The following CD74 variants were observed in gnomAD, a reference collection of about 807,000 sequenced individuals.
The protein encoded by CD74 is HLA class II histocompatibility antigen gamma chain.
Under a neutral mutation model 37.1 loss-of-function variants are expected in CD74, and 20 were observed. The ratio of observed to expected loss-of-function variants is 0.54; its 90% CI spans 0.38 to 0.78. The LOEUF (loss-of-function observed/expected upper bound fraction) is 0.78. Among genes scored for constraint, CD74 ranks in the 30% least tolerant of loss-of-function variants. The pLI is 0.00. For missense variants in CD74, 338 were observed against 389.5 expected, an observed-to-expected ratio of 0.87 and a Z score of 1.11; for synonymous variants, 150 against 152.0, an observed-to-expected ratio of 0.99 and a Z score of 0.10.
In CD74 at chr5:150,401,816, G is replaced by A. The variant is rs753273904; in HGVS notation, c.*424C>T. On this transcript the variant is annotated 3_prime_UTR_variant, in exon 9 of 9. Coordinates refer to ENST00000009530, the MANE Select transcript of CD74 (RefSeq NM_001025159.3). ...GAGTGGCTCAGCCTGCAGGTAAATA[G>A]GCTAGAAAAGCCAAGGCCAAAGGCT... The A allele has an allele frequency of 4.7e-6, 3 of 632,500 alleles. No homozygotes were observed. The highest frequency in any genetic ancestry group is 8.5e-6 in the Non-Finnish European group (3 of 351,646). The allele number at this position is 632,500 out of a possible 1,614,324, so 39.2% of individuals were successfully genotyped here.
Position 150,407,740 on chromosome 5 carries a change from TTTTTGTTTTG to T in CD74, c.126-426_126-417del, listed in dbSNP as rs200637098. On this transcript the variant is annotated intron_variant, in intron 1 of 8. Transcript: ENST00000009530. This position sits in a 1 kb window ranked among gnomAD's most constrained non-coding sequence, Gnocchi z 4.4. ...CTGCCCTCAAGGGGAACAGGTTTGGTTTTTGTTTTGTTTTGTTTTGTTTTGTTTTTTGAGA... is the reference window on the plus strand; with the variant it reads ...CTGCCCTCAAGGGGAACAGGTTTGGTTTTTGTTTTGTTTTGTTTTTTGAGA... 9.2e-5 allele frequency among the ~76,000 whole-genome samples: 14 copies of T among 151,388 alleles called. No homozygotes were observed. Among genetic ancestry groups the T allele is most frequent in the Admixed American group, 1.3e-4 (2 of 15,210 alleles).
At chr5:150,404,866 A>T in intron 5 of CD74, 99 bp from the exon 6 acceptor site, 1 of 908,474 alleles carries the variant, frequency 1.1e-6, no homozygotes, top group Non-Finnish European at 1.8e-6. Flanking sequence ...AGGGCCAAAT[A>T]GGGCCCCAAC....
Position 150,405,156 on chromosome 5 carries a change from G to T in CD74, c.466C>A (p.Pro156Thr), listed in dbSNP as rs773166293. The T allele has an allele frequency of 1.9e-6, 3 of 1,609,696 alleles. No individual in the cohort carries two copies. The highest frequency in any genetic ancestry group is 2.2e-5 in the South Asian group (2 of 90,534). ...TCCGGGAAGCTCCCCTTCAGTGGCG[G>T]GTACACCTTCAGGGGGTCAGCATTC... ...LQNADPLKVY[P>T]PLKGSFPENL... is the part of the protein sequence containing the mutation. Residue 156 changes from proline (P) to threonine (T), a missense_variant, in exon 5 of 9, where the codon CCG (proline) becomes ACG (threonine). Pro to Thr is a conservative substitution (Grantham distance 38, BLOSUM62 -1). Transcript: ENST00000009530.
intron 1 of CD74, among the ~76,000 whole-genome samples, chr5:150,410,347 T>A (rs1221620566): frequency 2.6e-5 from 4 of 152,182 alleles, no homozygotes; most frequent in Non-Finnish European, 5.9e-5. Flanking sequence ...TAACCTGGAT[T>A]GGAATCCTGG....
Position 150,412,709 on chromosome 5 carries a change from T to C in CD74, c.41A>G (p.Lys14Arg). Residue 14 changes from lysine to arginine, a missense_variant, in exon 1 of 9, where the codon AAG becomes AGG. Lys to Arg is a conservative substitution (Grantham distance 26). Coordinates refer to ENST00000009530, the MANE Select transcript of CD74 (RefSeq NM_001025159.3). ...GTCGCGCTGGTCATCCATGACTGGC[T>C]TCTGATCTTCCCGACAGCTCCTGCT... is the stretch of plus-strand genomic sequence containing the variant. Reference protein sequence around the residue: ...RRSRSCREDQKPVMDDQRDLI... With the variant: ...RRSRSCREDQRPVMDDQRDLI... The C allele has an allele frequency of 6.2e-7, 1 of 1,614,140 alleles. No homozygotes were observed. The highest frequency in any genetic ancestry group is 1.1e-5 in the South Asian group (1 of 91,080).
Position 150,403,440 on chromosome 5 carries a change from C to T in CD74, c.626-128G>A, listed in dbSNP as rs551029267. ...TTCTTCCCAAGTGGCTTTACTCACT[C>T]CAGCCATCACACGGATGGGAAAACT... On this transcript the variant is annotated intron_variant, in intron 6 of 8. Transcript: ENST00000009530. This position sits in a 1 kb window ranked among gnomAD's most constrained non-coding sequence, Gnocchi z 4.5. The T allele has an allele frequency of 7.1e-4, 561 of 795,166 alleles. 3 individuals carry two copies. In the African/African-American group the frequency reaches 8.5e-3, roughly 12 times the overall value. 49.3% of individuals were successfully genotyped at this position (795,166 alleles called of 1,614,324 possible). A position where few individuals can be genotyped will look rare whatever the true frequency, so the allele number is the denominator to read the frequency against.
intron 1 of CD74, among the ~76,000 whole-genome samples, chr5:150,409,284 T>C (rs1225363101): frequency 1.3e-5 from 2 of 151,056 alleles, no homozygotes; most frequent in East Asian, 3.9e-4. Flanking sequence ...CCCAGCACTT[T>C]AGGAAGCCAA....
At chr5:150,404,986 T>C in intron 5 of CD74, 99 bp downstream of exon 5, 1 of 1,186,642 alleles carries the variant, frequency 8.4e-7, no homozygotes, top group Non-Finnish European at 1.2e-6. Context: ...TTCAGCTTCC[T>C]GAGAATGGCT....
Position 150,402,338 on chromosome 5 carries a change from A to T in CD74, c.881-88T>A, listed in dbSNP as rs1241183075. On this transcript the variant is annotated intron_variant, in intron 8 of 8. Transcript: ENST00000009530. This position sits in a 1 kb window ranked among gnomAD's most constrained non-coding sequence, Gnocchi z 4.2. ...ACATCCTGGACCTGCAGAGCAGTTA[A>T]GGACTGTCCACCCTCCCCTGCCCCC... 15 of 1,056,416 alleles carry T rather than the reference A, an allele frequency of 1.4e-5. No individual in the cohort carries two copies. Among genetic ancestry groups the T allele is most frequent in the Non-Finnish European group, 2.2e-5 (15 of 693,320 alleles). 65.4% of individuals were successfully genotyped at this position (1,056,416 alleles called of 1,614,324 possible).
chr5:150,402,432 G>A lies in CD74; in HGVS notation c.880+131C>T, dbSNP rs79757528. ...CACAGCCCCCCAACCCTGTTCCTTC[G>A]TCTGTGAAATGGACATCCCAGGAAT... On this transcript the variant is annotated intron_variant, in intron 8 of 8. Coordinates refer to ENST00000009530, the MANE Select transcript of CD74 (RefSeq NM_001025159.3). The surrounding 1 kb of genome is among the most constrained non-coding windows in gnomAD (Gnocchi z 4.2). The A allele has an allele frequency of 2.6e-3, 2,496 of 945,698 alleles. 47 individuals are homozygous for A. In the African/African-American group the frequency reaches 0.035, roughly 13 times the overall value. The allele number at this position is 945,698 out of a possible 1,614,324, so 58.6% of individuals were successfully genotyped here.
In CD74 at chr5:150,403,178, A is replaced by G. The variant is rs1417948613; in HGVS notation, c.760T>C (p.Phe254Leu). 1.2e-6 allele frequency: 2 copies of G among 1,614,036 alleles called. No homozygotes were observed. Among genetic ancestry groups the G allele is most frequent in the South Asian group, 1.1e-5 (1 of 91,082 alleles). Residue 254 changes from phenylalanine to leucine, a missense_variant, in exon 7 of 9, where the codon TTC becomes CTC. Phe to Leu is a conservative substitution (Grantham distance 22, BLOSUM62 0). Transcript: ENST00000009530. The surrounding 1 kb of genome is among the most constrained non-coding windows in gnomAD (Gnocchi z 4.5). The stretch of plus-strand genomic sequence containing the variant: ...TTGGGGACCTCCGTGCCGTTGGGGA[A>G]GACACACCAGCAGTAGCCGATGCTC... Reference protein sequence around the residue: ...YGSIGYCWCVFPNGTEVPNTR... With the variant: ...YGSIGYCWCVLPNGTEVPNTR...
Position 150,403,232 on chromosome 5 carries a change from C to G in CD74, c.706G>C (p.Gly236Arg). ...GSFRPKCDEN[G>R]NYLPLQCYGS... ...TAGCACTGGAGTGGCAGATAGTTGC[C>G]GTTCTCGTCGCACTTGGGCCTGAAT... The change falls in exon 7 of 9, where the codon GGC (glycine) becomes CGC (arginine). Residue 236 changes from glycine to arginine, a missense_variant. Gly to Arg is a moderately radical substitution (Grantham distance 125). Transcript: ENST00000009530. This position sits in a 1 kb window ranked among gnomAD's most constrained non-coding sequence, Gnocchi z 4.5. 1.2e-6 allele frequency: 2 copies of G among 1,614,010 alleles called. No homozygotes were observed. The highest frequency in any genetic ancestry group is 1.7e-6 in the Non-Finnish European group (2 of 1,179,894).
At chr5:150,406,135 T>G (rs1769946745) in intron 4 of CD74, 124 bp downstream of exon 4, 1 of 763,582 alleles carries the variant, frequency 1.3e-6, no homozygotes, top group African/African-American at 1.7e-5. Flanking sequence ...CACCCTTGTA[T>G]TCAGTAATCC....
At chr5:150,406,470 C>T (rs1468790466) in intron 3 of CD74, 149 bp from the exon 4 acceptor site, 1 of 695,788 alleles carries the variant, frequency 1.4e-6, no homozygotes, top group African/African-American at 1.7e-5. Context: ...AACATGAGAG[C>T]TCGAGCAAGT....
chr5:150,406,835 A>C, intron 3 of CD74, 46 bp downstream of exon 3: 2 of 1,280,444 alleles, frequency 1.6e-6, no homozygotes, highest in South Asian at 1.6e-5. Flanking sequence ...TCCTCCATCC[A>C]GGCGGGATAA....
At chr5:150,408,528 C>A (rs1022726125) in intron 1 of CD74, among the ~76,000 whole-genome samples, 3 of 152,200 alleles carry the variant, frequency 2.0e-5, no homozygotes, top group African/African-American at 4.8e-5. Context: ...ATCCATCCTG[C>A]AGGGGGTGGG....
Position 150,405,198 on chromosome 5 carries a change from A to G in CD74, c.442-18T>C. On this transcript the variant is annotated intron_variant, in intron 4 of 8. Coordinates refer to ENST00000009530, the MANE Select transcript of CD74 (RefSeq NM_001025159.3). ...TCAGCATTCTACAGGGTAGCAGGGC[A>G]GGAAGGATGGTTCAAGAAGAGCTCC... 6.4e-7 allele frequency: 1 copy of G among 1,568,680 alleles called. No individual in the cohort carries two copies. Among genetic ancestry groups the G allele is most frequent in the African/African-American group, 1.4e-5 (1 of 72,668 alleles).
chr5:150,412,335 T>C (rs536467173), intron 1 of CD74, among the ~76,000 whole-genome samples: 1 of 152,178 alleles, frequency 6.6e-6, no homozygotes, highest in Admixed American at 6.5e-5. Context: ...GCATAGCATG[T>C]GAAACTCTAG....
chr5:150,407,078 G>C lies in CD74; in HGVS notation c.298+74C>G. 6.4e-7 allele frequency: 1 copy of C among 1,554,570 alleles called. No individual in the cohort carries two copies. ...AGGGAGAGGACAGTGGGCCCAGCTGGGTGCAGGGATGCGGGTCTCTGAGTT... is the reference window on the plus strand; with the variant it reads ...AGGGAGAGGACAGTGGGCCCAGCTGCGTGCAGGGATGCGGGTCTCTGAGTT... On this transcript the variant is annotated intron_variant, in intron 2 of 8. Transcript: ENST00000009530. The surrounding 1 kb of genome is among the most constrained non-coding windows in gnomAD (Gnocchi z 4.4).
Sources: allele counts gnomAD v4.1 joint callset (sites outside exome capture counted in the v4.1 genomes callset), GRCh38; gene constraint gnomAD v4.1.1; non-coding constraint Gnocchi (gnomAD v3.1); transcripts MANE v1.5; gene names NCBI Gene and HGNC (gene_info 2026-07-23, HGNC 2026-07-21).